Variants in TRPM3 observed in about 807,000 individuals in gnomAD.
TRPM3 encodes long transient receptor potential channel 3.
TRPM3 carries 77 observed loss-of-function variants against 181.2 expected under a neutral mutation model. The ratio of observed to expected loss-of-function variants is 0.42; its 90% CI spans 0.35 to 0.51. The LOEUF (loss-of-function observed/expected upper bound fraction) is 0.51. Among genes scored for constraint, TRPM3 ranks in the 20% least tolerant of loss-of-function variants. TRPM3 has a pLI of 0.01. For missense variants in TRPM3, 1,759 were observed against 2,196.7 expected (o/e 0.80, Z 3.98); for synonymous variants, 745 against 796.4 (o/e 0.94, Z 1.09).
chr9:70,925,496 A>G (rs1227204182), intron 1 of TRPM3, among the ~76,000 whole-genome samples: 1 of 152,136 alleles, frequency 6.6e-6, no homozygotes, highest in Non-Finnish European at 1.5e-5. Context: ...TTGCTTCTAC[A>G]GTAAATATCA....
intron 1 of TRPM3, among the ~76,000 whole-genome samples, chr9:70,877,459 C>T (rs2095887935): frequency 6.6e-6 from 1 of 151,882 alleles, no homozygotes; most frequent in African/African-American, 2.4e-5. Flanking sequence ...TTTGATATTT[C>T]AAATGTAAAT....
At chr9:70,596,118 A>G (rs1798344423) in intron 21 of TRPM3, among the ~76,000 whole-genome samples, 1 of 152,236 alleles carries the variant, frequency 6.6e-6, no homozygotes, top group Non-Finnish European at 1.5e-5. Context: ...TGAGCCAGAC[A>G]CAGCTGGTCA....
At chr9:71,385,862 A>T (rs1383882597) in intron 1 of TRPM3, among the ~76,000 whole-genome samples, 1 of 151,724 alleles carries the variant, frequency 6.6e-6, no homozygotes, top group Non-Finnish European at 1.5e-5. Context: ...GCACCAACAC[A>T]CCTGGCTAAT....
At chr9:71,094,490 A>G (rs2066771711) in intron 1 of TRPM3, among the ~76,000 whole-genome samples, 1 of 152,024 alleles carries the variant, frequency 6.6e-6, no homozygotes, top group Non-Finnish European at 1.5e-5. Flanking sequence ...TTCTATTTCT[A>G]TATGTTGTGT....
chr9:70,750,089 C>T (rs1055344364), intron 8 of TRPM3, among the ~76,000 whole-genome samples: 3 of 152,146 alleles, frequency 2.0e-5, no homozygotes, highest in South Asian at 2.1e-4. Flanking sequence ...TTCACCAACA[C>T]GCAGCTTAGA....
intron 14 of TRPM3, among the ~76,000 whole-genome samples, chr9:70,623,666 G>T (rs189021755): frequency 1.3e-5 from 2 of 151,984 alleles, no homozygotes; most frequent in Admixed American, 1.3e-4. Flanking sequence ...AAATGCAACC[G>T]TTTTACTTAA....
intron 1 of TRPM3, among the ~76,000 whole-genome samples, chr9:71,148,703 A>G (rs1023484991): frequency 1.3e-5 from 2 of 152,200 alleles, no homozygotes; most frequent in Non-Finnish European, 2.9e-5. Context: ...CTCAGAGAAT[A>G]ATGTTCCAAG....
At chr9:70,608,956 T>A (rs1157097999) in intron 19 of TRPM3, among the ~76,000 whole-genome samples, 1 of 152,184 alleles carries the variant, frequency 6.6e-6, no homozygotes, top group Non-Finnish European at 1.5e-5. Context: ...AGAAAGATAT[T>A]ATTTTTGTTG....
At chr9:70,587,651 C>T (rs759095752) in intron 22 of TRPM3, among the ~76,000 whole-genome samples, 8 of 152,166 alleles carry the variant, frequency 5.3e-5, no homozygotes, top group Non-Finnish European at 1.2e-4. Flanking sequence ...GGGATCCTGA[C>T]CAGCTCTCAG....
At chr9:71,288,268 A>C (rs555896732) in intron 1 of TRPM3, among the ~76,000 whole-genome samples, 1 of 152,102 alleles carries the variant, frequency 6.6e-6, no homozygotes, top group East Asian at 1.9e-4. Context: ...GCATGTTAGC[A>C]TCTCATAATA....
chr9:70,608,733 G>A (rs1351113777), intron 19 of TRPM3, among the ~76,000 whole-genome samples: 4 of 152,064 alleles, frequency 2.6e-5, no homozygotes, highest in Non-Finnish European at 4.4e-5. Flanking sequence ...CCAGCTACTC[G>A]GGAGGCTGAG....
At chr9:70,882,343 G>A (rs976879595) in intron 1 of TRPM3, among the ~76,000 whole-genome samples, 1 of 152,144 alleles carries the variant, frequency 6.6e-6, no homozygotes, top group Non-Finnish European at 1.5e-5. Flanking sequence ...ACTGGCATGA[G>A]CTTACATAAA....
chr9:70,690,295 CAAAG>C (rs2068135936), intron 8 of TRPM3, among the ~76,000 whole-genome samples: 2 of 152,204 alleles, frequency 1.3e-5, no homozygotes, highest in East Asian at 3.9e-4. Context: ...AGATAATCAA[CAAAG>C]AAAGTTCTTA....
chr9:71,166,447 C>G (rs1381041563), intron 1 of TRPM3, among the ~76,000 whole-genome samples: 2 of 152,012 alleles, frequency 1.3e-5, no homozygotes, highest in African/African-American at 2.4e-5. Flanking sequence ...AAGTGAGGAT[C>G]TAGAGACCAT....
intron 1 of TRPM3, among the ~76,000 whole-genome samples, chr9:71,419,732 T>C (rs959983609): frequency 2.0e-5 from 3 of 151,954 alleles, no homozygotes; most frequent in South Asian, 2.1e-4. Context: ...TCTTATGTTA[T>C]GCACATTTTA....
At chr9:70,909,116 T>A in intron 1 of TRPM3, among the ~76,000 whole-genome samples, 1 of 152,320 alleles carries the variant, frequency 6.6e-6, no homozygotes, top group East Asian at 1.9e-4. Context: ...GCATTAAAAA[T>A]GTGAACTTCT....
intron 9 of TRPM3, among the ~76,000 whole-genome samples, chr9:70,646,639 G>A (rs901195710): frequency 3.9e-5 from 6 of 151,984 alleles, no homozygotes; most frequent in Admixed American, 3.9e-4. Flanking sequence ...GATAGGTGCA[G>A]CAAACCAGCA....
At chr9:70,920,188 G>C (rs1388523408) in intron 1 of TRPM3, among the ~76,000 whole-genome samples, 1 of 152,134 alleles carries the variant, frequency 6.6e-6, no homozygotes, top group Non-Finnish European at 1.5e-5. Context: ...TATGCAGTAG[G>C]AATTCAGCAA....
At chr9:70,872,396 C>A (rs1363759792) in intron 1 of TRPM3, among the ~76,000 whole-genome samples, 1 of 151,918 alleles carries the variant, frequency 6.6e-6, no homozygotes, top group South Asian at 2.1e-4. Flanking sequence ...CTTTCTCAAG[C>A]ATGTCAGGCA....
Sources: gnomAD v4.1 joint callset for allele counts (sites outside exome capture counted in the v4.1 genomes callset) on GRCh38, gnomAD v4.1.1 for gene constraint, MANE v1.5 for transcripts, NCBI Gene and HGNC (gene_info 2026-07-23, HGNC 2026-07-21) for gene names.